CUL4B: variants seen among roughly 807,000 people sequenced by gnomAD.
CUL4B encodes the protein cullin 4B, also known as cullin-4B.
Under a neutral mutation model 69.2 loss-of-function variants are expected in CUL4B, and 1 was observed. The observed-to-expected ratio is 0.01, with a 90% CI of 0.01 to 0.07. CUL4B has a LOEUF of 0.07. Among genes scored for constraint, CUL4B ranks in the 10% least tolerant of loss-of-function variants. The pLI is 1.00. For synonymous variants in CUL4B, 237 were observed against 223.2 expected (o/e 1.06, Z -0.55); for missense variants, 328 against 638.8 (o/e 0.51, Z 5.24).
At chrX:120,561,152 G>T, upstream of CUL4B, 1 of 951,850 alleles carries the variant, frequency 1.1e-6, no homozygotes. Flanking sequence ...TGGGGGTGAG[G>T]GAAGCGCTGC....
At position 120,554,040 on chromosome X, in the gene CUL4B, C is replaced by A. The variant is rs138049865; in HGVS notation, c.672+3884G>T. Among the ~76,000 whole-genome samples, 407 of 111,567 alleles carry A rather than the reference C, an allele frequency of 3.6e-3. 2 individuals are homozygous for A. The highest frequency in any genetic ancestry group is 0.013 in the African/African-American group (395 of 30,710). On this transcript the variant is annotated intron_variant, in intron 2 of 19. Coordinates refer to ENST00000371322, the MANE Select transcript of CUL4B (RefSeq NM_001079872.2). Reference sequence around the variant, plus strand: ...ATGTAATCTATTTATCAGACAGCTGCTCTGGCCCAGTGTAGATTTAGAATT... The same window carrying A: ...ATGTAATCTATTTATCAGACAGCTGATCTGGCCCAGTGTAGATTTAGAATT...
chrX:120,538,392 C>CT (rs1923791583), intron 13 of CUL4B, 183 bp from the exon 14 acceptor site: 1 of 410,350 alleles, frequency 2.4e-6, no homozygotes, highest in Non-Finnish European at 4.1e-6. Context: ...CTCTTTAATC[C>CT]TGTAGTAACC....
At chrX:120,569,361 CTT>C (rs1172319824), downstream of CUL4B, among the ~76,000 whole-genome samples, 10 of 96,160 alleles carry the variant, frequency 1.0e-4, no homozygotes, top group Non-Finnish European at 8.5e-5. Flanking sequence ...AGGGAAGTTT[CTT>C]TTTTTTTTTT....
intron 15 of CUL4B, 142 bp from the exon 16 acceptor site, chrX:120,536,085 C>T (rs1249917271): frequency 1.0e-5 from 5 of 479,710 alleles, no homozygotes; most frequent in Admixed American, 3.2e-5. Flanking sequence ...TGATGAAAAA[C>T]AATGATCTCC....
intron 2 of CUL4B, 40 bp downstream of exon 2, chrX:120,557,884 T>C: frequency 1.1e-6 from 1 of 930,725 alleles, no homozygotes; most frequent in African/African-American, 1.9e-5. Flanking sequence ...CCCACCTCAA[T>C]TTATGTTAAT....
intron 2 of CUL4B, among the ~76,000 whole-genome samples, chrX:120,557,112 T>A (rs1925023489): frequency 9.0e-6 from 1 of 110,651 alleles, no homozygotes; most frequent in African/African-American, 3.3e-5. Context: ...GGTTTCTCCA[T>A]GTTGGTCAGG....
chrX:120,550,824 C>T (rs969723370), intron 2 of CUL4B, among the ~76,000 whole-genome samples: 5 of 111,693 alleles, frequency 4.5e-5, no homozygotes, highest in African/African-American at 1.3e-4. Context: ...GGAGCAATCT[C>T]GTAATAGGTA....
chrX:120,546,033 G>A (rs747113710), intron 4 of CUL4B, among the ~76,000 whole-genome samples: 57 of 110,015 alleles, frequency 5.2e-4, no homozygotes, highest in Non-Finnish European at 1.0e-3. Flanking sequence ...ATCATCAAGA[G>A]AGAAAAAAAA....
rs1414517598 is a variant in CUL4B at position 120,560,063 on chromosome X, T to C, written c.556+20A>G. 3.3e-6 allele frequency: 4 copies of C among 1,211,288 alleles called. No individual in the cohort carries two copies. The highest frequency in any genetic ancestry group is 1.8e-5 in the South Asian group (1 of 56,984). On this transcript the variant is annotated intron_variant, in intron 1 of 19. Coordinates refer to ENST00000371322, the MANE Select transcript of CUL4B (RefSeq NM_001079872.2). ...GTGTCAAATCCTTATTAGGTGATTA[T>C]GGATTTTGGCCTTGGTTACCTTTAA...
chrX:120,563,481 C>T (rs1925402861), upstream of CUL4B, among the ~76,000 whole-genome samples: 1 of 111,761 alleles, frequency 8.9e-6, no homozygotes, highest in South Asian at 3.7e-4. Context: ...AAGTGATCCG[C>T]CTGCCTCAGC....
chrX:120,569,781 G>A (rs1167679687), downstream of CUL4B, among the ~76,000 whole-genome samples: 1 of 111,716 alleles, frequency 9.0e-6, no homozygotes, highest in Non-Finnish European at 1.9e-5. Flanking sequence ...GGAGGGTGAG[G>A]TGGGGTGCAG....
At chrX:120,566,345 G>GTGTA (rs1491354858), upstream of CUL4B, among the ~76,000 whole-genome samples, 2 of 40,964 alleles carry the variant, frequency 4.9e-5, no homozygotes, top group East Asian at 3.8e-3. Flanking sequence ...GTGTGTATAG[G>GTGTA]TATATATATA....
At position 120,525,102 on chromosome X, in the gene CUL4B, C is replaced by T. The variant is rs1922895664; in HGVS notation, c.*1659G>A. The T allele has an allele frequency of 8.9e-6, 1 of 112,007 alleles. No individual in the cohort carries two copies. The highest frequency in any genetic ancestry group is 1.9e-5 in the Non-Finnish European group (1 of 53,123). The allele number at this position is 112,007 out of a possible 1,213,427, so 9.2% of individuals were successfully genotyped here. A position where few individuals can be genotyped will look rare whatever the true frequency, so the allele number is the denominator to read the frequency against. Reference sequence around the variant, plus strand: ...GCTGAGAAAATATAGGCAATGGCTGCTCAATAAGAATTACAAGTTCCGAAT... The same window carrying T: ...GCTGAGAAAATATAGGCAATGGCTGTTCAATAAGAATTACAAGTTCCGAAT... On this transcript the variant is annotated 3_prime_UTR_variant, in exon 20 of 20. Coordinates refer to ENST00000371322, the MANE Select transcript of CUL4B (RefSeq NM_001079872.2).
intron 19 of CUL4B, among the ~76,000 whole-genome samples, chrX:120,528,928 AAATAT>A (rs1201615751): frequency 8.9e-6 from 1 of 111,859 alleles, no homozygotes; most frequent in African/African-American, 3.2e-5. Flanking sequence ...TCTAGTCTGT[AAATAT>A]AATATAATCT....
chrX:120,561,487 A>G (rs1031454878), upstream of CUL4B: 3 of 309,465 alleles, frequency 9.7e-6, no homozygotes, highest in Non-Finnish European at 1.9e-5. Context: ...AGAAAAGTGG[A>G]TAGGAGGAGG....
upstream of CUL4B, among the ~76,000 whole-genome samples, chrX:120,564,693 C>T (rs903599631): frequency 1.8e-5 from 2 of 112,518 alleles, no homozygotes; most frequent in African/African-American, 3.2e-5. Context: ...AGAACATAAG[C>T]GTATATTCTG....
upstream of CUL4B, among the ~76,000 whole-genome samples, chrX:120,564,269 C>T (rs1279323918): frequency 6.2e-5 from 7 of 112,193 alleles, no homozygotes; most frequent in African/African-American, 2.3e-4. Flanking sequence ...CTGCTGCACT[C>T]CAGCCTGGGT....
At chrX:120,564,433 C>T (rs1925431739), upstream of CUL4B, among the ~76,000 whole-genome samples, 1 of 111,880 alleles carries the variant, frequency 8.9e-6, no homozygotes, top group African/African-American at 3.3e-5. Context: ...TGGTGAAACC[C>T]TATCTCTACT....
intron 15 of CUL4B, among the ~76,000 whole-genome samples, chrX:120,536,581 T>C (rs928403299): frequency 8.9e-6 from 1 of 112,160 alleles, no homozygotes; most frequent in Non-Finnish European, 1.9e-5. Flanking sequence ...GCCAGGGAAA[T>C]TGACCCTGAA....
Sources: allele counts gnomAD v4.1 joint callset (sites outside exome capture counted in the v4.1 genomes callset), GRCh38; gene constraint gnomAD v4.1.1; transcripts MANE v1.5; gene names NCBI Gene and HGNC (gene_info 2026-07-23, HGNC 2026-07-21).